The following SLC35F1 variants were observed in gnomAD, a reference collection of about 807,000 sequenced individuals.
SLC35F1 encodes the protein solute carrier family 35 member F1, also known as chromosome 6 open reading frame 169.
Under a neutral mutation model 48.7 loss-of-function variants are expected in SLC35F1, and 14 were observed. The observed-to-expected ratio is 0.29, with a 90% CI of 0.19 to 0.45. The LOEUF (loss-of-function observed/expected upper bound fraction) is 0.45, where lower values mean the gene tolerates loss of function less well. Ranked by LOEUF, SLC35F1 falls within the 20% of genes least tolerant of loss-of-function variation. The pLI is 1.00. For synonymous variants in SLC35F1, 190 were observed against 202.2 expected, an observed-to-expected ratio of 0.94 and a Z score of 0.51; for missense variants, 404 against 500.0, an observed-to-expected ratio of 0.81 and a Z score of 1.83.
intron 1 of SLC35F1, among the ~76,000 whole-genome samples, chr6:118,106,486 C>T (rs1465716484): frequency 3.9e-5 from 6 of 152,170 alleles, no homozygotes; most frequent in African/African-American, 1.4e-4. Flanking sequence ...GACCTGTTGG[C>T]TCTACAGCCA....
rs935654373 is a variant in SLC35F1, at chr6:118,317,485, A to C, written c.*3233A>C. ...CCCCATGGGTAGGATTCTATTGTTAAGCCACATAACAAAGCACACTAATTC... is the reference window on the plus strand; with the variant it reads ...CCCCATGGGTAGGATTCTATTGTTACGCCACATAACAAAGCACACTAATTC... On this transcript the variant is annotated 3_prime_UTR_variant, in exon 8 of 8. Coordinates refer to ENST00000360388, the MANE Select transcript of SLC35F1 (RefSeq NM_001029858.4). 9.9e-5 allele frequency: 15 copies of C among 152,282 alleles called. No homozygotes were observed. Among genetic ancestry groups the C allele is most frequent in the Non-Finnish European group, 1.9e-4 (13 of 68,034 alleles). 9.4% of individuals were successfully genotyped at this position (152,282 alleles called of 1,614,324 possible).
chr6:118,285,366 AGAT>A, intron 7 of SLC35F1, 28 bp downstream of exon 7: 2 of 1,612,306 alleles, frequency 1.2e-6, no homozygotes, highest in Non-Finnish European at 1.7e-6. Context: ...TCCTTTGTGA[AGAT>A]GATACTTTGT....
Position 118,113,324 on chromosome 6 carries a change from T to C in SLC35F1, c.174-41121T>C, listed in dbSNP as rs1356753927. ...CTGGTTTTAAACTCTTGACCTTAAG[T>C]GATCCTCTTGACCCAGCCTCCCAAA... is the stretch of plus-strand genomic sequence containing the variant. On this transcript the variant is annotated intron_variant, in intron 1 of 7. Transcript: ENST00000360388. Among the ~76,000 whole-genome samples, 3 of 152,110 alleles carry C rather than the reference T, an allele frequency of 2.0e-5. No homozygotes were observed. In the East Asian group the frequency reaches 5.8e-4, roughly 29 times the overall value.
At chr6:118,267,407 A>G (rs1309066550) in intron 4 of SLC35F1, among the ~76,000 whole-genome samples, 2 of 152,226 alleles carry the variant, frequency 1.3e-5, no homozygotes, top group African/African-American at 4.8e-5. Context: ...ACATGCAGAC[A>G]GTGTTTAAAA....
At chr6:118,212,764 A>AAGGT (rs1201661260) in intron 2 of SLC35F1, among the ~76,000 whole-genome samples, 1 of 131,514 alleles carries the variant, frequency 7.6e-6, no homozygotes, top group South Asian at 2.7e-4. Flanking sequence ...GGAAGGAAGG[A>AAGGT]AGGAAGGAAG....
At chr6:118,035,486 T>C (rs1368438070) in intron 1 of SLC35F1, among the ~76,000 whole-genome samples, 1 of 150,646 alleles carries the variant, frequency 6.6e-6, no homozygotes. Context: ...TGGTGGCACA[T>C]GCCCGTAATC....
intron 2 of SLC35F1, among the ~76,000 whole-genome samples, chr6:118,165,979 A>G (rs1442471711): frequency 6.6e-6 from 1 of 152,190 alleles, no homozygotes; most frequent in Non-Finnish European, 1.5e-5. Flanking sequence ...AGTGGAAACT[A>G]CAGTAAGAAC....
At chr6:118,183,674 C>G (rs1437468283) in intron 2 of SLC35F1, among the ~76,000 whole-genome samples, 1 of 152,042 alleles carries the variant, frequency 6.6e-6, no homozygotes, top group African/African-American at 2.4e-5. Context: ...CTCTTGTTAC[C>G]TAGGATCTCA....
intron 2 of SLC35F1, among the ~76,000 whole-genome samples, chr6:118,208,118 C>T (rs61644174): frequency 0.014 from 1,579 of 116,606 alleles, 30 homozygotes; most frequent in African/African-American, 0.052. Flanking sequence ...CACGCGCGCG[C>T]GCGATCACAC....
intron 1 of SLC35F1, among the ~76,000 whole-genome samples, chr6:118,069,621 C>A (rs1428604548): frequency 1.3e-5 from 2 of 152,258 alleles, no homozygotes; most frequent in East Asian, 1.9e-4. Context: ...ATTGTCAAAG[C>A]AATGATTAGC....
At chr6:118,244,279 G>C (rs146830284) in intron 3 of SLC35F1, among the ~76,000 whole-genome samples, 6 of 152,230 alleles carry the variant, frequency 3.9e-5, no homozygotes, top group Non-Finnish European at 8.8e-5. Context: ...AGAGTTCTTG[G>C]CTTGGCCTAG....
chr6:117,948,522 A>C (rs1052530182), intron 1 of SLC35F1, among the ~76,000 whole-genome samples: 3 of 152,146 alleles, frequency 2.0e-5, no homozygotes, highest in Non-Finnish European at 4.4e-5. Context: ...TAGACTTGTC[A>C]TCATAGCCCT....
chr6:117,939,750 T>G (rs1358345451), intron 1 of SLC35F1, among the ~76,000 whole-genome samples: 1 of 152,206 alleles, frequency 6.6e-6, no homozygotes, highest in African/African-American at 2.4e-5. Context: ...TTATGCTTTT[T>G]TTTTCACTTA....
intron 2 of SLC35F1, among the ~76,000 whole-genome samples, chr6:118,172,810 T>C (rs1774426107): frequency 6.6e-6 from 1 of 152,184 alleles, no homozygotes; most frequent in Non-Finnish European, 1.5e-5. Context: ...TATGTGACTT[T>C]TTTAGGGCTG....
chr6:118,179,483 A>C (rs1294207777), intron 2 of SLC35F1, among the ~76,000 whole-genome samples: 1 of 152,156 alleles, frequency 6.6e-6, no homozygotes, highest in Non-Finnish European at 1.5e-5. Context: ...AGATTGGAAC[A>C]CTTGCCCACA....
chr6:117,998,309 C>T (rs1777031456), intron 1 of SLC35F1, among the ~76,000 whole-genome samples: 1 of 148,618 alleles, frequency 6.7e-6, no homozygotes, highest in African/African-American at 2.5e-5. Context: ...GACTTAGACT[C>T]CCACACAATA....
intron 1 of SLC35F1, among the ~76,000 whole-genome samples, chr6:118,069,947 C>T (rs6927816): frequency 0.67 from 100,694 of 149,514 alleles, 34,074 homozygotes; most frequent in African/African-American, 0.75. Flanking sequence ...CCATCCTGGC[C>T]AACAAGGTGA....
intron 1 of SLC35F1, among the ~76,000 whole-genome samples, chr6:118,036,476 T>A (rs1007440667): frequency 1.6e-4 from 24 of 152,206 alleles, no homozygotes; most frequent in African/African-American, 5.5e-4. Context: ...AAGGGAATAT[T>A]CTGCAGTCGT....
chr6:117,940,345 A>G (rs1003272486), intron 1 of SLC35F1, among the ~76,000 whole-genome samples: 1 of 152,192 alleles, frequency 6.6e-6, no homozygotes, highest in East Asian at 1.9e-4. Context: ...GTCATCTGGG[A>G]CATTTAATCT....
Sources: allele counts gnomAD v4.1 joint callset (sites outside exome capture counted in the v4.1 genomes callset), GRCh38; gene constraint gnomAD v4.1.1; transcripts MANE v1.5; gene names NCBI Gene and HGNC (gene_info 2026-07-23, HGNC 2026-07-21).